PCGF3: variants seen among roughly 807,000 people sequenced by gnomAD.
PCGF3 encodes polycomb group RING finger protein 3.
In PCGF3, 7 loss-of-function variants were observed where a neutral mutation model predicts 33.1. The ratio of observed to expected loss-of-function variants is 0.21; its 90% CI spans 0.12 to 0.40. The LOEUF is 0.40. Ranked by LOEUF, PCGF3 falls within the 10% of genes least tolerant of loss-of-function variation. PCGF3 has a pLI of 1.00. For synonymous variants in PCGF3, 153 were observed against 121.3 expected (o/e 1.26, Z -1.72); for missense variants, 211 against 313.3 (o/e 0.67, Z 2.46).
At chr4:767,315 T>A (rs1745426583) in exon 11 of PCGF3, 1 of 133,292 alleles carries the variant, frequency 7.5e-6, no homozygotes, top group Non-Finnish European at 1.7e-5. Context: ...CACACACACA[T>A]TTTTTTTTTT....
intron 6 of PCGF3, among the ~76,000 whole-genome samples, chr4:741,315 G>A (rs745522153): frequency 1.3e-5 from 2 of 152,230 alleles, no homozygotes; most frequent in African/African-American, 2.4e-5. Flanking sequence ...TGGCTGATTC[G>A]TTAGCGTTAT....
At chr4:748,262 C>T (rs1744355589) in intron 8 of PCGF3, among the ~76,000 whole-genome samples, 1 of 151,820 alleles carries the variant, frequency 6.6e-6, no homozygotes, top group Non-Finnish European at 1.5e-5. Context: ...TGCGGTGGCA[C>T]CATCCCGGCT....
Position 721,716 on chromosome 4 carries a change from G to A in PCGF3, c.-189-8914G>A, listed in dbSNP as rs1048414016. Among the ~76,000 whole-genome samples, 4 of 150,724 alleles carry A rather than the reference G, an allele frequency of 2.7e-5. No individual in the cohort carries two copies. The highest frequency in any genetic ancestry group is 2.1e-4 in the South Asian group (1 of 4,700). ...GTGTGGAGAGAGGCCTGTGGGAGAC[G>A]GATGGATGGGTGTCTCTGTGTATGG... On this transcript the variant is annotated intron_variant, in intron 1 of 10. Coordinates refer to ENST00000362003, the Ensembl canonical transcript of PCGF3. This position sits in a 1 kb window ranked among gnomAD's most constrained non-coding sequence, Gnocchi z 4.1.
intron 8 of PCGF3, among the ~76,000 whole-genome samples, chr4:759,971 C>A (rs1046888256): frequency 6.6e-6 from 1 of 152,106 alleles, no homozygotes; most frequent in Non-Finnish European, 1.5e-5. Flanking sequence ...CTCCCGAGTT[C>A]TCTCTCCAGA....
At chr4:733,285 C>T (rs1179445150) in intron 3 of PCGF3, among the ~76,000 whole-genome samples, 1 of 152,244 alleles carries the variant, frequency 6.6e-6, no homozygotes, top group Non-Finnish European at 1.5e-5. Flanking sequence ...CCTCATCCCA[C>T]CCGGCAGCTC....
At chr4:709,897 ACTTC>A (rs1164719747) in intron 1 of PCGF3, among the ~76,000 whole-genome samples, 1 of 151,906 alleles carries the variant, frequency 6.6e-6, no homozygotes, top group Non-Finnish European at 1.5e-5. Flanking sequence ...TTTACTCAAC[ACTTC>A]CTTCTGATTT....
At chr4:714,828 A>G (rs1742738842) in intron 1 of PCGF3, among the ~76,000 whole-genome samples, 1 of 152,238 alleles carries the variant, frequency 6.6e-6, no homozygotes, top group South Asian at 2.1e-4. Flanking sequence ...GAGGTAGCTT[A>G]TTTGGGACCT....
chr4:742,060 C>A (rs1285616468), intron 6 of PCGF3, among the ~76,000 whole-genome samples: 1 of 152,108 alleles, frequency 6.6e-6, no homozygotes, highest in African/African-American at 2.4e-5. Context: ...CCTTGTGAGG[C>A]TCCAGCACTC....
chr4:764,055 T>C (rs1745219727), intron 9 of PCGF3, among the ~76,000 whole-genome samples: 1 of 151,060 alleles, frequency 6.6e-6, no homozygotes, highest in Non-Finnish European at 1.5e-5. Flanking sequence ...GTAGTAGGAG[T>C]GGGCGGGCAC....
intron 1 of PCGF3, among the ~76,000 whole-genome samples, chr4:708,813 T>TC (rs1291931899): frequency 6.6e-6 from 1 of 152,168 alleles, no homozygotes; most frequent in Non-Finnish European, 1.5e-5. Context: ...GGATGTGGAC[T>TC]CCTGGGCATA....
chr4:743,136 CG>C (rs1421974909), intron 6 of PCGF3, among the ~76,000 whole-genome samples: 1 of 152,194 alleles, frequency 6.6e-6, no homozygotes, highest in Non-Finnish European at 1.5e-5. Context: ...CCCCTGGTGA[CG>C]GGTGGTTCTG....
chr4:739,116 A>G (rs899424315), intron 6 of PCGF3, among the ~76,000 whole-genome samples: 1 of 152,198 alleles, frequency 6.6e-6, no homozygotes, highest in Non-Finnish European at 1.5e-5. Flanking sequence ...AATGTTTAGG[A>G]AAATAGTAGA....
At chr4:752,988 C>T (rs1170873952) in intron 8 of PCGF3, among the ~76,000 whole-genome samples, 1 of 152,242 alleles carries the variant, frequency 6.6e-6, no homozygotes. Flanking sequence ...TGTCGAACCA[C>T]AAAGGTTTGT....
intron 4 of PCGF3, 104 bp downstream of exon 4, chr4:733,893 G>A (rs749073610): frequency 5.0e-6 from 8 of 1,591,586 alleles, no homozygotes; most frequent in Admixed American, 3.6e-5. Flanking sequence ...GCTCAAGCCC[G>A]ACAAAAGCAG....
intron 8 of PCGF3, among the ~76,000 whole-genome samples, chr4:754,808 C>T (rs747752787): frequency 5.3e-5 from 8 of 152,218 alleles, no homozygotes; most frequent in Non-Finnish European, 1.2e-4. Context: ...GCCTGCACGG[C>T]CAGGGTGGCC....
intron 1 of PCGF3, among the ~76,000 whole-genome samples, chr4:712,476 T>C (rs765497827): frequency 5.3e-5 from 8 of 152,238 alleles, no homozygotes; most frequent in Non-Finnish European, 1.2e-4. Flanking sequence ...AGATGGAGTT[T>C]TGCTCTTGTA....
intron 1 of PCGF3, among the ~76,000 whole-genome samples, chr4:730,184 G>A (rs566174101): frequency 6.6e-6 from 1 of 152,324 alleles, no homozygotes; most frequent in African/African-American, 2.4e-5. Flanking sequence ...AGAACATGGT[G>A]CCCTGTGCAC....
intron 8 of PCGF3, among the ~76,000 whole-genome samples, chr4:755,613 T>TA (rs1744734662): frequency 6.6e-6 from 1 of 152,218 alleles, no homozygotes; most frequent in African/African-American, 2.4e-5. Context: ...AGGTCATAAA[T>TA]ACATTCTCTT....
At chr4:722,933 G>A (rs1743168382) in intron 1 of PCGF3, among the ~76,000 whole-genome samples, 1 of 130,056 alleles carries the variant, frequency 7.7e-6, no homozygotes, top group Non-Finnish European at 1.6e-5. Context: ...CATCCACGCC[G>A]GGTCCACACT....
Sources: allele counts gnomAD v4.1 joint callset (sites outside exome capture counted in the v4.1 genomes callset), GRCh38; gene constraint gnomAD v4.1.1; non-coding constraint Gnocchi (gnomAD v3.1); transcripts MANE v1.5; gene names NCBI Gene and HGNC (gene_info 2026-07-23, HGNC 2026-07-21).